The following BEND7 variants were observed in gnomAD, a reference collection of about 807,000 sequenced individuals.
The protein encoded by BEND7 is BEN domain containing 7.
Under a neutral mutation model 50.9 loss-of-function variants are expected in BEND7, and 28 were observed. The observed-to-expected ratio is 0.55, with a 90% CI of 0.41 to 0.75. The LOEUF (loss-of-function observed/expected upper bound fraction) is 0.75, where lower values mean the gene tolerates loss of function less well. BEND7 is among the 30% of genes least tolerant of loss of function. The pLI, the probability that BEND7 is intolerant of heterozygous loss-of-function variation, is 0.00. For missense variants in BEND7, 477 were observed against 491.3 expected, an observed-to-expected ratio of 0.97 and a Z score of 0.28; for synonymous variants, 170 against 183.9, an observed-to-expected ratio of 0.92 and a Z score of 0.61.
intron 7 of BEND7, among the ~76,000 whole-genome samples, chr10:13,447,970 A>G (rs1305258675): frequency 6.6e-6 from 1 of 151,770 alleles, no homozygotes; most frequent in Non-Finnish European, 1.5e-5. Context: ...CGCCGGAACC[A>G]CTCCTGGGGG....
At chr10:13,506,631 C>T (rs986278886) in intron 2 of BEND7, among the ~76,000 whole-genome samples, 19 of 152,160 alleles carry the variant, frequency 1.2e-4, no homozygotes, top group African/African-American at 4.6e-4. Context: ...ATATCCTACA[C>T]AAAAACAATT....
At chr10:13,502,317 CAT>C (rs1263159169) in intron 2 of BEND7, among the ~76,000 whole-genome samples, 65 of 152,216 alleles carry the variant, frequency 4.3e-4, no homozygotes, top group African/African-American at 1.4e-3. Flanking sequence ...TCTAATTGAA[CAT>C]GAGTGAACAC....
intron 5 of BEND7, among the ~76,000 whole-genome samples, chr10:13,487,316 T>A (rs1181078262): frequency 2.0e-5 from 3 of 152,062 alleles, no homozygotes; most frequent in Non-Finnish European, 2.9e-5. Flanking sequence ...AGCAAAGATC[T>A]GAACTCCTGC....
intron 2 of BEND7, among the ~76,000 whole-genome samples, chr10:13,512,328 A>G (rs1178630044): frequency 6.6e-6 from 1 of 152,212 alleles, no homozygotes; most frequent in Non-Finnish European, 1.5e-5. Context: ...TACAAAAGCC[A>G]AAGATGAAAA....
chr10:13,447,065 G>T, intron 8 of BEND7: 1 of 607,948 alleles, frequency 1.6e-6, no homozygotes, highest in Non-Finnish European at 2.9e-6. Context: ...ATAAGAGTGT[G>T]AGAAAAACGT....
intron 2 of BEND7, among the ~76,000 whole-genome samples, chr10:13,501,297 C>A (rs1241937661): frequency 2.7e-5 from 4 of 149,934 alleles, no homozygotes; most frequent in Non-Finnish European, 5.9e-5. Flanking sequence ...CCCGGCTCAC[C>A]CAGGAGGTAG....
intron 5 of BEND7, among the ~76,000 whole-genome samples, chr10:13,492,058 G>A (rs576086126): frequency 8.6e-5 from 13 of 151,706 alleles, no homozygotes; most frequent in African/African-American, 2.7e-4. Flanking sequence ...TCTGGACTGC[G>A]GCAACATTCT....
At chr10:13,509,529 T>G (rs562872976) in intron 2 of BEND7, among the ~76,000 whole-genome samples, 1 of 152,176 alleles carries the variant, frequency 6.6e-6, no homozygotes, top group African/African-American at 2.4e-5. Flanking sequence ...CAGACAAAAC[T>G]GAGGGAACGC....
intron 6 of BEND7, among the ~76,000 whole-genome samples, chr10:13,456,970 G>A (rs1211502212): frequency 6.6e-6 from 1 of 152,110 alleles, no homozygotes; most frequent in Non-Finnish European, 1.5e-5. Flanking sequence ...AAAGGTTCTT[G>A]AAGTCCTGTT....
chr10:13,479,752 C>CT (rs961678375), intron 6 of BEND7, among the ~76,000 whole-genome samples: 2 of 152,190 alleles, frequency 1.3e-5, no homozygotes, highest in East Asian at 3.9e-4. Context: ...TCAACTGTCA[C>CT]TTTAAGTGAA....
intron 4 of BEND7, 69 bp from the exon 5 acceptor site, chr10:13,492,945 A>G: frequency 6.6e-7 from 1 of 1,519,798 alleles, no homozygotes; most frequent in South Asian, 1.3e-5. Flanking sequence ...TCTCCGGTCT[A>G]TCCATGTGAT....
chr10:13,465,532 G>A lies in BEND7; in HGVS notation c.1064-12874C>T, dbSNP rs185436399. On this transcript the variant is annotated intron_variant, in intron 6 of 8. Transcript: ENST00000466271. Reference sequence around the variant, plus strand: ...GGGCTGTTATTTTCAGCTGGCTGATGTAATGAAAAGGGCCCTAGATATCCA... The same window carrying A: ...GGGCTGTTATTTTCAGCTGGCTGATATAATGAAAAGGGCCCTAGATATCCA... 2.7e-3 allele frequency among the ~76,000 whole-genome samples: 418 copies of A among 152,238 alleles called. 4 individuals are homozygous for A. The highest frequency in any genetic ancestry group is 0.01 in the Middle Eastern group (3 of 294).
At chr10:13,480,844 G>A (rs898973034) in intron 6 of BEND7, 55 bp downstream of exon 6, 34 of 1,605,240 alleles carry the variant, frequency 2.1e-5, no homozygotes, top group Non-Finnish European at 2.5e-5. Flanking sequence ...GCATCGTTAC[G>A]GAATGAAGGG....
intron 6 of BEND7, among the ~76,000 whole-genome samples, chr10:13,463,637 GA>G (rs1364889189): frequency 4.0e-5 from 6 of 150,310 alleles, no homozygotes; most frequent in South Asian, 2.1e-4. Flanking sequence ...AACTTTGTTG[GA>G]AAAAAAAATA....
chr10:13,495,389 C>A (rs1439893243), intron 4 of BEND7, among the ~76,000 whole-genome samples: 1 of 152,202 alleles, frequency 6.6e-6, no homozygotes, highest in Non-Finnish European at 1.5e-5. Context: ...TAGCCCGGCG[C>A]GGTGGCTCAC....
chr10:13,468,801 TTC>T (rs1299338219), intron 6 of BEND7, among the ~76,000 whole-genome samples: 1 of 152,140 alleles, frequency 6.6e-6, no homozygotes, highest in Non-Finnish European at 1.5e-5. Flanking sequence ...TTCAAGGTGT[TTC>T]TGAGCTTTCA....
At chr10:13,499,721 A>G in intron 3 of BEND7, 57 bp downstream of exon 3, 1 of 1,431,934 alleles carries the variant, frequency 7.0e-7, no homozygotes. Context: ...GAATATTTAG[A>G]AATAGAACAG....
chr10:13,506,230 T>A (rs2077876507), intron 2 of BEND7, among the ~76,000 whole-genome samples: 2 of 152,176 alleles, frequency 1.3e-5, no homozygotes, highest in South Asian at 4.1e-4. Context: ...TCTGCTTCCT[T>A]GCTAGAGCTA....
At chr10:13,513,243 C>T (rs1391392297) in intron 2 of BEND7, among the ~76,000 whole-genome samples, 1 of 152,098 alleles carries the variant, frequency 6.6e-6, no homozygotes, top group Non-Finnish European at 1.5e-5. Context: ...CTTCAGTGTC[C>T]ACAGTTTTAG....
Sources: allele counts gnomAD v4.1 joint callset (sites outside exome capture counted in the v4.1 genomes callset), GRCh38; gene constraint gnomAD v4.1.1; transcripts MANE v1.5; gene names NCBI Gene and HGNC (gene_info 2026-07-23, HGNC 2026-07-21).